SFMBT2: variants seen among roughly 807,000 people sequenced by gnomAD.
SFMBT2 encodes Scm like with four mbt domains 2.
Under a neutral mutation model 110.1 loss-of-function variants are expected in SFMBT2, and 38 were observed. That is an observed-to-expected ratio of 0.35 (90% CI 0.27 to 0.45). SFMBT2 has a LOEUF of 0.45. SFMBT2 is among the 20% of genes least tolerant of loss of function. The probability of loss-of-function intolerance (pLI) is 1.00; values close to 1 mark genes in which losing one functional copy is unlikely to be tolerated. For synonymous variants in SFMBT2, 425 were observed against 425.4 expected (o/e 1.00, Z 0.01); for missense variants, 1,011 against 1,094.9 (o/e 0.92, Z 1.08).
intron 1 of SFMBT2, among the ~76,000 whole-genome samples, chr10:7,398,596 T>A (rs1435611646): frequency 4.6e-5 from 7 of 152,204 alleles, no homozygotes; most frequent in African/African-American, 1.2e-4. Flanking sequence ...CCTTTTTTTT[T>A]ATTTTTGTGG....
chr10:7,365,933 G>A (rs1010007532), intron 4 of SFMBT2, among the ~76,000 whole-genome samples: 1 of 152,194 alleles, frequency 6.6e-6, no homozygotes, highest in Non-Finnish European at 1.5e-5. Context: ...TCACTGAACT[G>A]TACACTTTAA....
intron 4 of SFMBT2, among the ~76,000 whole-genome samples, chr10:7,313,482 T>C (rs954446086): frequency 1.4e-4 from 21 of 152,254 alleles, no homozygotes; most frequent in African/African-American, 4.8e-4. Flanking sequence ...CAATCTTCGA[T>C]AGTTTTTGTG....
At chr10:7,201,882 G>A (rs1048605129) in intron 13 of SFMBT2, among the ~76,000 whole-genome samples, 4 of 152,158 alleles carry the variant, frequency 2.6e-5, no homozygotes, top group Non-Finnish European at 4.4e-5. Context: ...TGGGGGACAG[G>A]GCATAATCTG....
intron 12 of SFMBT2, chr10:7,204,295 G>A: frequency 2.1e-6 from 2 of 967,894 alleles, no homozygotes; most frequent in Non-Finnish European, 2.5e-6. Context: ...ATCAGGGAAT[G>A]TGAAGTCAGC....
At chr10:7,370,260 G>A (rs1469011892) in intron 3 of SFMBT2, 21 bp downstream of exon 3, 6 of 1,600,776 alleles carry the variant, frequency 3.7e-6, no homozygotes, top group East Asian at 4.5e-5. Flanking sequence ...ACACAGAGAA[G>A]ACACAAGCTG....
intron 4 of SFMBT2, among the ~76,000 whole-genome samples, chr10:7,355,031 A>G (rs2767694): frequency 0.073 from 11,058 of 152,326 alleles, 544 homozygotes; most frequent in Non-Finnish European, 0.11. Flanking sequence ...AGATTTTCAC[A>G]TAATTTATGT....
At chr10:7,394,532 C>T (rs1265629306) in intron 1 of SFMBT2, among the ~76,000 whole-genome samples, 2 of 149,772 alleles carry the variant, frequency 1.3e-5, no homozygotes, top group African/African-American at 4.9e-5. Flanking sequence ...CTCCCCGACA[C>T]GCTCACCCCC....
At chr10:7,169,191 C>A (rs1588759094) in intron 20 of SFMBT2, among the ~76,000 whole-genome samples, 1 of 152,080 alleles carries the variant, frequency 6.6e-6, no homozygotes, top group South Asian at 2.1e-4. Context: ...GTCTCGAACT[C>A]CTGACCTCAA....
chr10:7,164,762 CA>C (rs1205479140), intron 20 of SFMBT2, among the ~76,000 whole-genome samples: 1 of 150,472 alleles, frequency 6.6e-6, no homozygotes, highest in East Asian at 2.0e-4. Flanking sequence ...CACACACACA[CA>C]CACACACACA....
chr10:7,382,663 G>A (rs769870334), intron 1 of SFMBT2, among the ~76,000 whole-genome samples: 6 of 149,842 alleles, frequency 4.0e-5, no homozygotes, highest in Admixed American at 1.3e-4. Flanking sequence ...AGCATCCCAC[G>A]CGCAGGTACT....
intron 15 of SFMBT2, among the ~76,000 whole-genome samples, chr10:7,196,866 G>T (rs1317683347): frequency 6.6e-6 from 1 of 152,192 alleles, no homozygotes; most frequent in Non-Finnish European, 1.5e-5. Context: ...ACTGTCTGAG[G>T]CTATGCTAGA....
rs529203922 is a variant in SFMBT2 at position 7,253,511 on chromosome 10, G to A, written c.871-4862C>T. On this transcript the variant is annotated intron_variant, in intron 7 of 20. Transcript: ENST00000397167. ...AACCCACACATGTGATGTTAGAAGTGTTGTGGGTAAAAACAGTTCGTAAGT... is the reference window on the plus strand; with the variant it reads ...AACCCACACATGTGATGTTAGAAGTATTGTGGGTAAAAACAGTTCGTAAGT... Among the ~76,000 whole-genome samples, 18 of 152,312 alleles carry A rather than the reference G, an allele frequency of 1.2e-4. 1 individual carries two copies. The highest frequency in any genetic ancestry group is 2.6e-4 in the Admixed American group (4 of 15,304).
intron 11 of SFMBT2, among the ~76,000 whole-genome samples, chr10:7,213,721 C>A (rs1281558552): frequency 7.1e-6 from 1 of 141,314 alleles, no homozygotes. Flanking sequence ...GTGTGCGAGG[C>A]CATGGGCGCG....
chr10:7,229,731 T>G (rs1426252565), intron 9 of SFMBT2, among the ~76,000 whole-genome samples: 14 of 151,430 alleles, frequency 9.2e-5, no homozygotes, highest in Admixed American at 2.6e-4. Context: ...GTTGTTGTTT[T>G]TTTTTTTGTG....
intron 9 of SFMBT2, among the ~76,000 whole-genome samples, chr10:7,238,091 G>A (rs1840314615): frequency 1.3e-5 from 2 of 152,330 alleles, no homozygotes; most frequent in South Asian, 4.1e-4. Flanking sequence ...ACAGGGTGGG[G>A]TGGAAGGCAC....
chr10:7,186,125 A>T (rs1325551564), intron 16 of SFMBT2, among the ~76,000 whole-genome samples: 1 of 152,140 alleles, frequency 6.6e-6, no homozygotes, highest in Non-Finnish European at 1.5e-5. Flanking sequence ...TCACCCAGAG[A>T]CAATTGTAGG....
intron 16 of SFMBT2, among the ~76,000 whole-genome samples, chr10:7,179,152 G>A (rs1054640679): frequency 2.0e-5 from 3 of 151,896 alleles, no homozygotes; most frequent in African/African-American, 7.3e-5. Context: ...CAGCCCCTGG[G>A]TGTTTGTTTT....
At chr10:7,215,510 G>C in intron 11 of SFMBT2, 1 of 977,332 alleles carries the variant, frequency 1.0e-6, no homozygotes, top group Non-Finnish European at 1.2e-6. Flanking sequence ...TCCTGAGGCA[G>C]GGGTTGTTTT....
At chr10:7,261,688 A>G (rs1463429005) in intron 7 of SFMBT2, among the ~76,000 whole-genome samples, 1 of 152,258 alleles carries the variant, frequency 6.6e-6, no homozygotes, top group African/African-American at 2.4e-5. Context: ...GCTTTAAAGC[A>G]GGTTTCCACT....
Sources: gnomAD v4.1 joint callset for allele counts (sites outside exome capture counted in the v4.1 genomes callset) on GRCh38, gnomAD v4.1.1 for gene constraint, MANE v1.5 for transcripts, NCBI Gene and HGNC (gene_info 2026-07-23, HGNC 2026-07-21) for gene names.